Variants in KIF26A observed in about 807,000 individuals in gnomAD.
KIF26A encodes the protein kinesin-like protein KIF26A.
A neutral mutation model predicts 126.0 loss-of-function variants in KIF26A; 74 were observed. The observed-to-expected ratio is 0.59, with a 90% confidence interval of 0.49 to 0.71. KIF26A has a LOEUF of 0.71. Among genes scored for constraint, KIF26A ranks in the 30% least tolerant of loss-of-function variants. KIF26A has a pLI of 0.00. For synonymous variants in KIF26A, 1,445 were observed against 1,232.7 expected (o/e 1.17, Z -3.61); for missense variants, 2,984 against 2,763.3 (o/e 1.08, Z -1.79).
intron 2 of KIF26A, among the ~76,000 whole-genome samples, chr14:104,140,135 G>C (rs529498319): frequency 6.6e-6 from 1 of 152,332 alleles, no homozygotes; most frequent in South Asian, 2.1e-4. Flanking sequence ...TCTAAGGGCT[G>C]TGGGGGTTGG....
chr14:104,138,987 C>G, intron 1 of KIF26A, 56 bp from the exon 2 acceptor site: 1 of 1,321,988 alleles, frequency 7.6e-7, no homozygotes, highest in Non-Finnish European at 9.6e-7. Flanking sequence ...GCGCAGGGGT[C>G]TGGATCCGAC....
At chr14:104,143,646 C>T (rs1359507435) in intron 2 of KIF26A, among the ~76,000 whole-genome samples, 4 of 152,228 alleles carry the variant, frequency 2.6e-5, no homozygotes, top group Non-Finnish European at 4.4e-5. Flanking sequence ...GTAGGAGCTG[C>T]GCCCGAGTGG....
At position 104,152,431 on chromosome 14, in the gene KIF26A, G is replaced by A. The variant is rs2037739048; in HGVS notation, c.705G>A (p.Arg235=). 16 of 1,591,824 alleles carry A rather than the reference G, an allele frequency of 1.0e-5. No individual in the cohort carries two copies. The East Asian group carries it at 3.7e-4, about 36-fold the overall frequency. The part of the protein sequence containing the change: ...QCLEGMWSVS[R]VNSFLPPACL... ...TGGAGGGCATGTGGAGTGTCTCGCG[G>A]GTCAACAGCTTCCTCCCGCCGGCGT... The change falls in exon 3 of 15, where the codon CGG becomes CGA. Residue 235 remains arginine, a synonymous_variant. Transcript: ENST00000423312. The surrounding 1 kb of genome is among the most constrained non-coding windows in gnomAD (Gnocchi z 5.9).
Position 104,175,847 on chromosome 14 carries a change from TGCAGCG to T in KIF26A, c.3062_3067del (p.Gln1021_Arg1022del). 6.5e-7 allele frequency: 1 copy of T among 1,539,074 alleles called. No individual in the cohort carries two copies. Among genetic ancestry groups the T allele is most frequent in the Non-Finnish European group, 8.7e-7 (1 of 1,147,390 alleles). ...GGCCTGCTCACCACCACAGTGACCC[TGCAGCG>T]GCCAGTGGAGCTCAACGGCGAGGAC... is the stretch of plus-strand genomic sequence containing the variant. On this transcript the variant is annotated inframe_deletion, in exon 12 of 15. Coordinates refer to ENST00000423312, the MANE Select transcript of KIF26A (RefSeq NM_015656.2).
chr14:104,166,620 G>T (rs2037905647), intron 4 of KIF26A, among the ~76,000 whole-genome samples: 1 of 152,158 alleles, frequency 6.6e-6, no homozygotes, highest in South Asian at 2.1e-4. Context: ...TCTGGACCCT[G>T]TCACAAGCTT....
At chr14:104,169,087 T>C (rs1457332732) in intron 5 of KIF26A, among the ~76,000 whole-genome samples, 1 of 152,192 alleles carries the variant, frequency 6.6e-6, no homozygotes, top group Non-Finnish European at 1.5e-5. Context: ...CCCTGGGTCC[T>C]CCCCACCCTC....
intron 4 of KIF26A, among the ~76,000 whole-genome samples, chr14:104,159,157 C>T (rs1043807800): frequency 2.6e-5 from 4 of 152,220 alleles, no homozygotes; most frequent in African/African-American, 4.8e-5. Context: ...GTGGCCTCAG[C>T]GCCACCCCAA....
At position 104,177,612 on chromosome 14, in the gene KIF26A, C is replaced by T. The variant is rs929279402; in HGVS notation, c.4824C>T (p.Ala1608=). 1.0e-5 allele frequency: 16 copies of T among 1,527,804 alleles called. No homozygotes were observed. Among genetic ancestry groups the T allele is most frequent in the Non-Finnish European group, 1.3e-5 (15 of 1,142,154 alleles). The allele number at this position is 1,527,804 out of a possible 1,614,324, so 94.6% of individuals were successfully genotyped here. A position where few individuals can be genotyped will look rare whatever the true frequency, so the allele number is the denominator to read the frequency against. The change falls in exon 12 of 15, where the codon GCC becomes GCT. Residue 1608 remains alanine (A), a synonymous_variant. Coordinates refer to ENST00000423312, the MANE Select transcript of KIF26A (RefSeq NM_015656.2). ...VGEERPPTGP[A]LPSPYSKVTA... ...AGGAGCGGCCACCCACGGGCCCGGC[C>T]CTGCCCTCCCCCTACAGCAAGGTGA...
chr14:104,168,366 C>T (rs900272410), intron 5 of KIF26A, among the ~76,000 whole-genome samples: 2 of 152,212 alleles, frequency 1.3e-5, no homozygotes, highest in Admixed American at 6.5e-5. Context: ...GACTTGAGCC[C>T]TCCAACCTCT....
At chr14:104,174,630 A>AG (rs2037996462) in intron 11 of KIF26A, among the ~76,000 whole-genome samples, 1 of 151,830 alleles carries the variant, frequency 6.6e-6, no homozygotes, top group Admixed American at 6.5e-5. Context: ...GGGGCTTCCT[A>AG]GGGACCCCTC....
rs769495375 is a variant in KIF26A, at chr14:104,177,447, C to G, written c.4659C>G (p.Val1553=). The G allele has an allele frequency of 2.0e-6, 3 of 1,527,046 alleles. No individual in the cohort carries two copies. The highest frequency in any genetic ancestry group is 2.6e-6 in the Non-Finnish European group (3 of 1,141,482). 94.6% of individuals were successfully genotyped at this position (1,527,046 alleles called of 1,614,324 possible). The change falls in exon 12 of 15, where the codon GTC becomes GTG. Residue 1553 remains valine (V), a synonymous_variant. Transcript: ENST00000423312. Reference sequence around the variant, plus strand: ...GGGCGAAGGCTGGCCGGGGTACCGTCATGGGCACAAAGCAGGCGCTCCGGG... The same window carrying G: ...GGGCGAAGGCTGGCCGGGGTACCGTGATGGGCACAAAGCAGGCGCTCCGGG... The part of the protein sequence containing the change: ...SVGAKAGRGT[V]MGTKQALRAA...
intron 4 of KIF26A, among the ~76,000 whole-genome samples, chr14:104,162,847 G>A (rs1386015801): frequency 6.6e-6 from 1 of 152,166 alleles, no homozygotes; most frequent in African/African-American, 2.4e-5. Context: ...GCCACCGTGG[G>A]GACCGTCCTC....
intron 3 of KIF26A, among the ~76,000 whole-genome samples, chr14:104,155,887 G>C (rs1025662001): frequency 1.3e-5 from 2 of 152,220 alleles, no homozygotes; most frequent in East Asian, 3.9e-4. Flanking sequence ...CGGGTGGGCT[G>C]TGGTGTAGCA....
At chr14:104,150,218 T>TCCC (rs2037715923) in intron 2 of KIF26A, among the ~76,000 whole-genome samples, 1 of 75,560 alleles carries the variant, frequency 1.3e-5, no homozygotes, top group African/African-American at 3.8e-5. Flanking sequence ...CTCCTCCTCC[T>TCCC]CCTCCTCCCC....
At position 104,171,877 on chromosome 14, in the gene KIF26A, C is replaced by T. The variant is rs752838716; in HGVS notation, c.1268C>T (p.Thr423Ile). The stretch of plus-strand genomic sequence containing the variant: ...AGCGCAGGCCCCCGGCGAGCCGCCA[C>T]TGCTGCAGTTCCCAAGATGTTTGCC... ...PGSAGPRRAATAAVPKMFAFD... is the reference protein window; with the variant it reads ...PGSAGPRRAAIAAVPKMFAFD... The change falls in exon 6 of 15, where the codon ACT becomes ATT. Residue 423 changes from threonine (T) to isoleucine (I), a missense_variant. Physicochemically the swap from Thr to Ile is moderately conservative, Grantham distance 89. Transcript: ENST00000423312. 6.4e-7 allele frequency: 1 copy of T among 1,558,882 alleles called. No individual in the cohort carries two copies. Among genetic ancestry groups the T allele is most frequent in the Non-Finnish European group, 8.7e-7 (1 of 1,152,284 alleles).
At chr14:104,158,049 G>A (rs2037799446) in intron 4 of KIF26A, 107 bp downstream of exon 4, 1 of 1,100,420 alleles carries the variant, frequency 9.1e-7, no homozygotes, top group Non-Finnish European at 1.2e-6. Flanking sequence ...GGGCATGCTT[G>A]CTGCTGAGAC....
rs1227410402 is a variant in KIF26A, at chr14:104,179,591, C to A, written c.5468-18C>A. The A allele has an allele frequency of 6.7e-7, 1 of 1,497,508 alleles. No individual in the cohort carries two copies. Among genetic ancestry groups the A allele is most frequent in the Non-Finnish European group, 8.9e-7 (1 of 1,117,618 alleles). 92.8% of individuals were successfully genotyped at this position (1,497,508 alleles called of 1,614,324 possible). A position where few individuals can be genotyped will look rare whatever the true frequency, so the allele number is the denominator to read the frequency against. On this transcript the variant is annotated intron_variant, in intron 14 of 14. Transcript: ENST00000423312. ...CGGGCCTGACGCAGGTGCCCCTCCC[C>A]TCTCCTCCCCTCCCCAGTTGAGGTG... is the stretch of plus-strand genomic sequence containing the variant.
At chr14:104,164,763 G>GTCTGTGTGTGCATC (rs2037866848) in intron 4 of KIF26A, among the ~76,000 whole-genome samples, 7 of 151,600 alleles carry the variant, frequency 4.6e-5, no homozygotes. Context: ...GTGTGCGCGT[G>GTCTGTGTGTGCATC]TCTGTGTGTG....
intron 13 of KIF26A, 106 bp downstream of exon 13, chr14:104,178,861 G>T: frequency 2.9e-6 from 2 of 680,556 alleles, no homozygotes; most frequent in Non-Finnish European, 4.8e-6. Context: ...GGGTGTGGCT[G>T]GGCAGCCCCT....
Sources: gnomAD v4.1 joint callset for allele counts (sites outside exome capture counted in the v4.1 genomes callset) on GRCh38, gnomAD v4.1.1 for gene constraint, Gnocchi (gnomAD v3.1) non-coding constraint, MANE v1.5 for transcripts, NCBI Gene and HGNC (gene_info 2026-07-23, HGNC 2026-07-21) for gene names.